The following SEC61A2 variants were observed in gnomAD, a reference collection of about 807,000 sequenced individuals.
SEC61A2 encodes SEC61 translocon subunit alpha 2.
SEC61A2 carries 28 observed loss-of-function variants against 59.9 expected under a neutral mutation model. The observed-to-expected ratio is 0.47, with a 90% confidence interval of 0.35 to 0.64. SEC61A2 has a LOEUF of 0.64. Among genes scored for constraint, SEC61A2 ranks in the 30% least tolerant of loss-of-function variants. SEC61A2 has a pLI of 0.01. For missense variants in SEC61A2, 340 were observed against 585.9 expected (o/e 0.58, Z 4.33); for synonymous variants, 202 against 214.4 (o/e 0.94, Z 0.50).
chr10:12,129,726 G>C lies in SEC61A2; in HGVS notation c.-62G>C. 6.8e-7 allele frequency: 1 copy of C among 1,467,332 alleles called. No homozygotes were observed. Among genetic ancestry groups the C allele is most frequent in the Non-Finnish European group, 9.0e-7 (1 of 1,108,230 alleles). 90.9% of individuals were successfully genotyped at this position (1,467,332 alleles called of 1,614,324 possible). The stretch of plus-strand genomic sequence containing the variant: ...GAGCCGGTACCGAGGCCCGAGCCGC[G>C]GGAGTCGAGCGAAGGCAGCGCCGAG... On this transcript the variant is annotated 5_prime_UTR_variant, in exon 1 of 12. Transcript: ENST00000298428. This position sits in a 1 kb window ranked among gnomAD's most constrained non-coding sequence, Gnocchi z 5.6.
intron 1 of SEC61A2, among the ~76,000 whole-genome samples, chr10:12,131,569 A>G (rs1833737676): frequency 6.6e-6 from 1 of 151,242 alleles, no homozygotes. Flanking sequence ...GATGAAATGT[A>G]ATTGTTAATT....
intron 4 of SEC61A2, among the ~76,000 whole-genome samples, chr10:12,144,298 A>G (rs528145189): frequency 5.9e-5 from 9 of 152,324 alleles, no homozygotes; most frequent in African/African-American, 1.2e-4. Flanking sequence ...GTGACTATCA[A>G]TTGAGGCCTT....
chr10:12,169,870 C>G (rs1453731726), downstream of SEC61A2: 2 of 390,820 alleles, frequency 5.1e-6, no homozygotes, highest in Non-Finnish European at 9.1e-6. This position sits in a 1 kb window ranked among gnomAD's most constrained non-coding sequence, Gnocchi z 4.8. Context: ...TGCTTCAAAT[C>G]ACATTTGAAG....
chr10:12,167,770 A>T, downstream of SEC61A2: 3 of 1,614,210 alleles, frequency 1.9e-6, no homozygotes, highest in Non-Finnish European at 2.5e-6. Context: ...GCGTAGGAAT[A>T]GACCCTGGCG....
At chr10:12,133,923 C>T (rs1214070643) in intron 2 of SEC61A2, among the ~76,000 whole-genome samples, 1 of 152,226 alleles carries the variant, frequency 6.6e-6, no homozygotes, top group Non-Finnish European at 1.5e-5. Context: ...CATCAAACTA[C>T]AAATTTCTCA....
At chr10:12,146,060 G>T (rs1395684087) in intron 4 of SEC61A2, among the ~76,000 whole-genome samples, 1 of 152,102 alleles carries the variant, frequency 6.6e-6, no homozygotes, top group Non-Finnish European at 1.5e-5. Context: ...CGCTCTTGTT[G>T]CCCAGGCTGG....
rs181254318 is a variant in SEC61A2 at position 12,142,202 on chromosome 10, A to G, written c.142-915A>G. ...TTCTTACACTAAGGACTGTAAATAA[A>G]GCAGGAATCAGGAGGTATCCCTGAG... On this transcript the variant is annotated intron_variant, in intron 3 of 11. Transcript: ENST00000298428. The surrounding 1 kb of genome is among the most constrained non-coding windows in gnomAD (Gnocchi z 5.4). Among the ~76,000 whole-genome samples the G allele has an allele frequency of 1.5e-4, 23 of 152,300 alleles. No homozygotes were observed. The highest frequency in any genetic ancestry group is 2.5e-4 in the Non-Finnish European group (17 of 68,020).
At chr10:12,140,646 A>C (rs1274892368) in intron 3 of SEC61A2, among the ~76,000 whole-genome samples, 1 of 152,174 alleles carries the variant, frequency 6.6e-6, no homozygotes, top group Non-Finnish European at 1.5e-5. Flanking sequence ...CCCAGGCTGG[A>C]GTGCAGTGGC....
In SEC61A2 at chr10:12,145,802, A is replaced by G. The variant is rs1834124803; in HGVS notation, c.220+2607A>G. Among the ~76,000 whole-genome samples the G allele has an allele frequency of 6.6e-6, 1 of 152,216 alleles. No individual in the cohort carries two copies. Among genetic ancestry groups the G allele is most frequent in the African/African-American group, 2.4e-5 (1 of 41,454 alleles). On this transcript the variant is annotated intron_variant, in intron 4 of 11. Coordinates refer to ENST00000298428, the MANE Select transcript of SEC61A2 (RefSeq NM_018144.4). This position sits in a 1 kb window ranked among gnomAD's most constrained non-coding sequence, Gnocchi z 4.4. ...AAAGAAAAAACATTGTTTTAAATAAAGGAGAAAAATTAAGGAATAGGAAAT... is the reference window on the plus strand; with the variant it reads ...AAAGAAAAAACATTGTTTTAAATAAGGGAGAAAAATTAAGGAATAGGAAAT...
Position 12,145,034 on chromosome 10 carries a change from A to G in SEC61A2, c.220+1839A>G, listed in dbSNP as rs1413333572. 6.6e-6 allele frequency among the ~76,000 whole-genome samples: 1 copy of G among 151,780 alleles called. No individual in the cohort carries two copies. The highest frequency in any genetic ancestry group is 2.4e-5 in the African/African-American group (1 of 41,324). On this transcript the variant is annotated intron_variant, in intron 4 of 11. Transcript: ENST00000298428. The surrounding 1 kb of genome is among the most constrained non-coding windows in gnomAD (Gnocchi z 4.4). ...ACTGCACTCTAGCCGGGGCGACACA[A>G]CCAGACCCTGTCTCAAAAAAAAAAG...
intron 1 of SEC61A2, among the ~76,000 whole-genome samples, chr10:12,131,396 C>T (rs1444713510): frequency 6.6e-6 from 1 of 152,164 alleles, no homozygotes; most frequent in African/African-American, 2.4e-5. Flanking sequence ...ATTGCAGACC[C>T]TTTGGCAAAG....
chr10:12,142,179 C>T lies in SEC61A2; in HGVS notation c.142-938C>T, dbSNP rs916612131. ...GCAGGATTTATGGCGAGTACATGTT[C>T]TTACACTAAGGACTGTAAATAAAGC... On this transcript the variant is annotated intron_variant, in intron 3 of 11. Coordinates refer to ENST00000298428, the MANE Select transcript of SEC61A2 (RefSeq NM_018144.4). This position sits in a 1 kb window ranked among gnomAD's most constrained non-coding sequence, Gnocchi z 5.4. 1.9e-4 allele frequency among the ~76,000 whole-genome samples: 29 copies of T among 152,140 alleles called. No individual in the cohort carries two copies. The highest frequency in any genetic ancestry group is 1.9e-3 in the Admixed American group (29 of 15,264).
rs955243932 is a variant in SEC61A2, at chr10:12,142,384, A to G, written c.142-733A>G. On this transcript the variant is annotated intron_variant, in intron 3 of 11. Coordinates refer to ENST00000298428, the MANE Select transcript of SEC61A2 (RefSeq NM_018144.4). The surrounding 1 kb of genome is among the most constrained non-coding windows in gnomAD (Gnocchi z 5.4). Reference sequence around the variant, plus strand: ...AAATCACCCCTAGTTTAGAACTGCTATTTTATATTTAGTTTTATGACATAA... The same window carrying G: ...AAATCACCCCTAGTTTAGAACTGCTGTTTTATATTTAGTTTTATGACATAA... 20 of 298,808 alleles carry G rather than the reference A, an allele frequency of 6.7e-5. No homozygotes were observed. Among genetic ancestry groups the G allele is most frequent in the African/African-American group, 4.5e-4 (20 of 44,072 alleles). 18.5% of individuals were successfully genotyped at this position (298,808 alleles called of 1,614,324 possible). A position where few individuals can be genotyped will look rare whatever the true frequency, so the allele number is the denominator to read the frequency against.
chr10:12,167,530 A>T, downstream of SEC61A2: 1 of 574,140 alleles, frequency 1.7e-6, no homozygotes, highest in South Asian at 2.4e-5. Context: ...ATTTAAAGGA[A>T]GGTCACAACC....
At chr10:12,139,379 G>A (rs1833957860) in intron 3 of SEC61A2, among the ~76,000 whole-genome samples, 1 of 151,830 alleles carries the variant, frequency 6.6e-6, no homozygotes, top group Non-Finnish European at 1.5e-5. Context: ...GCCAGGCGCA[G>A]TGGCTCACGC....
chr10:12,138,879 G>A (rs528357452), intron 3 of SEC61A2, among the ~76,000 whole-genome samples: 1 of 152,350 alleles, frequency 6.6e-6, no homozygotes, highest in South Asian at 2.1e-4. Context: ...TAGAAGTACA[G>A]CTGTTGGGTT....
At position 12,133,281 on chromosome 10, in the gene SEC61A2, A is replaced by G. The variant is rs773850344; in HGVS notation, c.48A>G (p.Leu16=). 1 of 1,563,790 alleles carries G rather than the reference A, an allele frequency of 6.4e-7. No individual in the cohort carries two copies. The highest frequency in any genetic ancestry group is 8.8e-7 in the Non-Finnish European group (1 of 1,137,128). ...TTATCAAACCATTCTGTGCAGTTCT[A>G]CCAGAAATTCAGAAACCGGAAAGGA... ...LEVIKPFCAV[L]PEIQKPERKI... is the part of the protein sequence containing the mutation. The change falls in exon 2 of 12, where the codon CTA becomes CTG. Residue 16 remains leucine, a synonymous_variant. Coordinates refer to ENST00000298428, the MANE Select transcript of SEC61A2 (RefSeq NM_018144.4).
At chr10:12,157,233 T>C (rs1834418796) in intron 8 of SEC61A2, 166 bp downstream of exon 8, 2 of 666,104 alleles carry the variant, frequency 3.0e-6, no homozygotes, top group Non-Finnish European at 5.1e-6. Flanking sequence ...GTGTGAAATA[T>C]TGGAGTCTCT....
At position 12,162,558 on chromosome 10, in the gene SEC61A2, CAG is replaced by C. The variant is rs1834555882; in HGVS notation, c.1244+274_1244+275del. The C allele has an allele frequency of 1.7e-6, 1 of 571,602 alleles. No homozygotes were observed. Among genetic ancestry groups the C allele is most frequent in the African/African-American group, 1.9e-5 (1 of 53,692 alleles). 35.4% of individuals were successfully genotyped at this position (571,602 alleles called of 1,614,324 possible). On this transcript the variant is annotated intron_variant, in intron 11 of 11. Transcript: ENST00000298428. This position sits in a 1 kb window ranked among gnomAD's most constrained non-coding sequence, Gnocchi z 6.1. ...ATTGGCTGGCTGCACATACAATCAC[CAG>C]AGAGCTTTTAAAAAGGATTTCCCAG...
Sources: allele counts gnomAD v4.1 joint callset (sites outside exome capture counted in the v4.1 genomes callset), GRCh38; gene constraint gnomAD v4.1.1; non-coding constraint Gnocchi (gnomAD v3.1); transcripts MANE v1.5; gene names NCBI Gene and HGNC (gene_info 2026-07-23, HGNC 2026-07-21).